Variants in BTRC observed in about 807,000 individuals in gnomAD.
The protein encoded by BTRC is F-box/WD repeat-containing protein 1A.
A neutral mutation model predicts 85.5 loss-of-function variants in BTRC; 42 were observed. The ratio of observed to expected loss-of-function variants is 0.49; its 90% CI spans 0.38 to 0.64. The LOEUF (loss-of-function observed/expected upper bound fraction) is 0.64. BTRC is among the 30% of genes least tolerant of loss of function. The pLI is 0.00. For synonymous variants in BTRC, 255 were observed against 263.3 expected (o/e 0.97, Z 0.30); for missense variants, 594 against 743.5 (o/e 0.80, Z 2.34).
chr10:101,419,972 A>C (rs1944054512), intron 1 of BTRC, among the ~76,000 whole-genome samples: 1 of 152,034 alleles, frequency 6.6e-6, no homozygotes, highest in Non-Finnish European at 1.5e-5. Context: ...GATATTTTGA[A>C]TCATTAAATG....
intron 2 of BTRC, among the ~76,000 whole-genome samples, chr10:101,442,164 G>C (rs145211418): frequency 6.6e-6 from 1 of 152,262 alleles, no homozygotes; most frequent in African/African-American, 2.4e-5. Flanking sequence ...TCCAGTTCCT[G>C]AAGATGGTGA....
intron 2 of BTRC, among the ~76,000 whole-genome samples, chr10:101,456,261 A>G (rs1945080611): frequency 6.6e-6 from 1 of 152,186 alleles, no homozygotes; most frequent in Non-Finnish European, 1.5e-5. Context: ...GGCTGTCTCA[A>G]TAGTAATAGC....
chr10:101,479,941 G>A (rs1406621991), intron 4 of BTRC, among the ~76,000 whole-genome samples: 1 of 152,146 alleles, frequency 6.6e-6, no homozygotes, highest in Non-Finnish European at 1.5e-5. Context: ...TTAGTCATGT[G>A]TATGGGCTAC....
intron 1 of BTRC, among the ~76,000 whole-genome samples, chr10:101,355,710 T>C (rs542641773): frequency 6.6e-6 from 1 of 152,380 alleles, no homozygotes; most frequent in African/African-American, 2.4e-5. Context: ...ACATGGATAC[T>C]AACAAAATTG....
chr10:101,503,378 A>C (rs1946442273), intron 4 of BTRC, among the ~76,000 whole-genome samples: 1 of 152,192 alleles, frequency 6.6e-6, no homozygotes, highest in African/African-American at 2.4e-5. Flanking sequence ...TCATTTTAGA[A>C]AAACTGTTCA....
chr10:101,494,266 T>G (rs1190610171), intron 4 of BTRC, among the ~76,000 whole-genome samples: 1 of 152,208 alleles, frequency 6.6e-6, no homozygotes. Context: ...AGGACTGGTG[T>G]CAGAGGTATA....
intron 1 of BTRC, among the ~76,000 whole-genome samples, chr10:101,396,584 AT>A (rs927124001): frequency 1.3e-5 from 2 of 151,762 alleles, no homozygotes; most frequent in Admixed American, 1.3e-4. Context: ...GTATAGAACT[AT>A]TTTCATTTTT....
intron 1 of BTRC, among the ~76,000 whole-genome samples, chr10:101,390,484 C>T (rs1943209003): frequency 7.6e-6 from 1 of 131,728 alleles, no homozygotes; most frequent in African/African-American, 2.5e-5. Context: ...ATTACAGGTG[C>T]CCGCCACCAC....
chr10:101,395,246 A>G (rs537829370), intron 1 of BTRC, among the ~76,000 whole-genome samples: 1 of 152,248 alleles, frequency 6.6e-6, no homozygotes, highest in East Asian at 1.9e-4. Context: ...TTTGTATATT[A>G]TTTCAACCCA....
rs1946056666 is a variant in BTRC, at chr10:101,488,826, GA to G, written c.324+9371del. Among the ~76,000 whole-genome samples the G allele has an allele frequency of 7.2e-5, 11 of 152,278 alleles. No individual in the cohort carries two copies. In the South Asian group the frequency reaches 2.3e-3, roughly 32 times the overall value. ...GTTACCAGGTACCCACCTGGGTACA[GA>G]ATTGGTAGGAAAGAGCCTAAAGTTA... On this transcript the variant is annotated intron_variant, in intron 4 of 14. Transcript: ENST00000370187.
chr10:101,521,893 A>G, intron 5 of BTRC, 23 bp downstream of exon 5: 2 of 1,556,288 alleles, frequency 1.3e-6, no homozygotes, highest in Non-Finnish European at 1.8e-6. Context: ...GTGTTTGTAA[A>G]CCATTAATTT....
chr10:101,543,615 C>CTTTTTTTTTTTTT (rs60958588), intron 13 of BTRC, among the ~76,000 whole-genome samples: 1 of 147,074 alleles, frequency 6.8e-6, no homozygotes. Flanking sequence ...TTTTCATGCT[C>CTTTTTTTTTTTTT]TTTTTTTTTT....
chr10:101,489,243 C>T (rs965208837), intron 4 of BTRC, among the ~76,000 whole-genome samples: 1 of 152,076 alleles, frequency 6.6e-6, no homozygotes, highest in African/African-American at 2.4e-5. Flanking sequence ...GGACTCCCCC[C>T]AGACAACTCT....
chr10:101,374,820 A>G (rs967017385), intron 1 of BTRC, among the ~76,000 whole-genome samples: 1 of 152,182 alleles, frequency 6.6e-6, no homozygotes, highest in African/African-American at 2.4e-5. Context: ...ATCCGCATAA[A>G]AAGTAGGCTG....
rs1942425047 is a variant in BTRC at position 101,366,889 on chromosome 10, TATATATATTTATATATATTA to T, written c.48+12681_48+12700del. ...ATATTAATATATATTTATATATATT[TATATATATTTATATATATTA>T]ATATATATTTATATATATTTATATA... On this transcript the variant is annotated intron_variant, in intron 1 of 14. Coordinates refer to ENST00000370187, the MANE Select transcript of BTRC (RefSeq NM_033637.4). Among the ~76,000 whole-genome samples, 10 of 22,656 alleles carry T rather than the reference TATATATATTTATATATATTA, an allele frequency of 4.4e-4. 3 individuals carry two copies. Among genetic ancestry groups the T allele is most frequent in the Admixed American group, 9.6e-4 (1 of 1,042 alleles). 14.9% of individuals were successfully genotyped at this position (22,656 alleles called of 152,430 possible).
intron 1 of BTRC, among the ~76,000 whole-genome samples, chr10:101,367,077 TA>T (rs1341665937): frequency 1.1e-4 from 12 of 105,776 alleles, no homozygotes; most frequent in Admixed American, 8.1e-4. Flanking sequence ...TATATATATA[TA>T]TATTTTTTTC....
chr10:101,363,246 A>G (rs1392216698), intron 1 of BTRC, among the ~76,000 whole-genome samples: 3 of 152,182 alleles, frequency 2.0e-5, no homozygotes, highest in Non-Finnish European at 2.9e-5. Context: ...GCTCAAAGTC[A>G]TGCTAGCAGG....
intron 1 of BTRC, among the ~76,000 whole-genome samples, chr10:101,421,623 C>A (rs1432734296): frequency 9.5e-6 from 1 of 105,616 alleles, no homozygotes; most frequent in African/African-American, 3.6e-5. Flanking sequence ...CCCCTCCCCC[C>A]TCCCCCCACC....
At chr10:101,482,276 C>G (rs1217908950) in intron 4 of BTRC, among the ~76,000 whole-genome samples, 1 of 152,210 alleles carries the variant, frequency 6.6e-6, no homozygotes, top group East Asian at 1.9e-4. Flanking sequence ...CTGCCTCAGC[C>G]TCCCAAAGTG....
Sources: allele counts gnomAD v4.1 joint callset (sites outside exome capture counted in the v4.1 genomes callset), GRCh38; gene constraint gnomAD v4.1.1; transcripts MANE v1.5; gene names NCBI Gene and HGNC (gene_info 2026-07-23, HGNC 2026-07-21).